Variants in CTIF observed in about 807,000 individuals in gnomAD.
CTIF encodes the protein CBP80/20-dependent translation initiation factor.
A neutral mutation model predicts 66.0 loss-of-function variants in CTIF; 21 were observed. The ratio of observed to expected loss-of-function variants is 0.32; its 90% CI spans 0.23 to 0.46. The LOEUF is 0.46. Ranked by LOEUF, CTIF falls within the 20% of genes least tolerant of loss-of-function variation. The probability of loss-of-function intolerance (pLI) is 1.00; values close to 1 mark genes in which losing one functional copy is unlikely to be tolerated. For missense variants in CTIF, 739 were observed against 812.7 expected (o/e 0.91, Z 1.10); for synonymous variants, 345 against 326.4 (o/e 1.06, Z -0.62).
chr18:48,754,479 G>A (rs979928013), intron 7 of CTIF, among the ~76,000 whole-genome samples: 1 of 152,228 alleles, frequency 6.6e-6, no homozygotes, highest in Non-Finnish European at 1.5e-5. Flanking sequence ...CCTTGTGCAG[G>A]AAGAAGGAAA....
chr18:48,710,778 C>G (rs770487717), intron 6 of CTIF, among the ~76,000 whole-genome samples: 2 of 152,140 alleles, frequency 1.3e-5, no homozygotes, highest in African/African-American at 4.8e-5. Context: ...GAAAAAGGAG[C>G]CTGGGCAACA....
intron 6 of CTIF, among the ~76,000 whole-genome samples, chr18:48,677,510 G>A (rs1331995847): frequency 2.0e-5 from 3 of 152,324 alleles, no homozygotes; most frequent in South Asian, 4.1e-4. Context: ...AGTGCTTTCC[G>A]TGTTCCAGGA....
intron 6 of CTIF, among the ~76,000 whole-genome samples, chr18:48,697,202 T>C (rs749712087): frequency 6.6e-6 from 1 of 152,170 alleles, no homozygotes; most frequent in Non-Finnish European, 1.5e-5. Flanking sequence ...CAACAAACAA[T>C]TATGGAGGCT....
intron 1 of CTIF, among the ~76,000 whole-genome samples, chr18:48,618,552 AG>A (rs1447651377): frequency 1.3e-5 from 2 of 152,140 alleles, no homozygotes; most frequent in Non-Finnish European, 2.9e-5. Flanking sequence ...GAGGAAGGGG[AG>A]GGTCCCTGGC....
chr18:48,695,823 CAGG>C (rs1020639369), intron 6 of CTIF, among the ~76,000 whole-genome samples: 1 of 152,206 alleles, frequency 6.6e-6, no homozygotes. Flanking sequence ...ATTGCTCAGT[CAGG>C]AGAAGAGCGC....
chr18:48,753,615 A>T (rs1196603849), intron 7 of CTIF, among the ~76,000 whole-genome samples: 2 of 151,922 alleles, frequency 1.3e-5, no homozygotes, highest in Non-Finnish European at 2.9e-5. Flanking sequence ...AAAAAAAAGC[A>T]TTATTTTCCT....
chr18:48,806,161 A>G (rs1011591204), intron 9 of CTIF, among the ~76,000 whole-genome samples: 4 of 152,228 alleles, frequency 2.6e-5, no homozygotes, highest in Admixed American at 1.3e-4. Flanking sequence ...TGAAAGAAGG[A>G]AAGTTGGGGC....
At chr18:48,558,832 TTC>T (rs2089082709) in intron 1 of CTIF, among the ~76,000 whole-genome samples, 1 of 152,220 alleles carries the variant, frequency 6.6e-6, no homozygotes, top group Non-Finnish European at 1.5e-5. Flanking sequence ...ATAAAAAGTG[TTC>T]TCTTTGACAT....
intron 6 of CTIF, among the ~76,000 whole-genome samples, chr18:48,703,347 C>A (rs2092108989): frequency 6.6e-6 from 1 of 152,156 alleles, no homozygotes; most frequent in Non-Finnish European, 1.5e-5. Flanking sequence ...GGTGAGGAGC[C>A]CGGTGTGGCC....
chr18:48,703,682 A>G (rs80211153), intron 6 of CTIF, among the ~76,000 whole-genome samples: 1,907 of 152,290 alleles, frequency 0.013, 23 homozygotes, highest in Non-Finnish European at 0.019. Flanking sequence ...GGATTCTATG[A>G]AAGTGCAGGC....
At chr18:48,816,863 G>A (rs2068374620) in intron 9 of CTIF, among the ~76,000 whole-genome samples, 1 of 152,212 alleles carries the variant, frequency 6.6e-6, no homozygotes, top group Non-Finnish European at 1.5e-5. Flanking sequence ...TTTAGCCACA[G>A]GGAGTTAAGT....
At chr18:48,615,177 T>A (rs1313752390) in intron 1 of CTIF, among the ~76,000 whole-genome samples, 2 of 152,246 alleles carry the variant, frequency 1.3e-5, no homozygotes, top group African/African-American at 4.8e-5. Flanking sequence ...ATTACAGGCA[T>A]GAGCCACTGC....
chr18:48,759,883 G>A (rs925429885), intron 8 of CTIF, among the ~76,000 whole-genome samples: 10 of 152,160 alleles, frequency 6.6e-5, no homozygotes, highest in African/African-American at 2.4e-4. Context: ...CTGAACTCCT[G>A]GACCAAGAAG....
intron 1 of CTIF, among the ~76,000 whole-genome samples, chr18:48,595,504 G>A (rs1288122691): frequency 6.6e-6 from 1 of 152,080 alleles, no homozygotes; most frequent in Non-Finnish European, 1.5e-5. Context: ...ACAGCTCACT[G>A]CAGCTTCAAC....
chr18:48,775,124 CT>C (rs1351056610), intron 9 of CTIF, among the ~76,000 whole-genome samples: 1 of 152,216 alleles, frequency 6.6e-6, no homozygotes, highest in Non-Finnish European at 1.5e-5. Context: ...CCACCTCCCC[CT>C]GGCTCTAGTT....
Position 48,758,463 on chromosome 18 carries a change from G to A in CTIF, c.1071+58G>A, listed in dbSNP as rs1908639001. 3.9e-6 allele frequency: 6 copies of A among 1,541,796 alleles called. No homozygotes were observed. In the South Asian group the frequency reaches 5.0e-5, roughly 13 times the overall value. ...CACCAGGGAGGACAGCAAGAGGTAGGCACTTTGGTAGGTGGGCACAGTGCA... is the reference window on the plus strand; with the variant it reads ...CACCAGGGAGGACAGCAAGAGGTAGACACTTTGGTAGGTGGGCACAGTGCA... On this transcript the variant is annotated intron_variant, in intron 8 of 11. Transcript: ENST00000256413.
Position 48,620,146 on chromosome 18 carries a change from T to C in CTIF, c.180+401T>C, listed in dbSNP as rs1367824538. On this transcript the variant is annotated intron_variant, in intron 2 of 11. Coordinates refer to ENST00000256413, the MANE Select transcript of CTIF (RefSeq NM_014772.3). ...AAAGAACTATAACTTGTGAATATTT[T>C]CTGTGATTTCAAATACAAGTAGTTG... 2.6e-5 allele frequency among the ~76,000 whole-genome samples: 4 copies of C among 152,232 alleles called. No homozygotes were observed. In the East Asian group the frequency reaches 7.7e-4, roughly 29 times the overall value.
intron 9 of CTIF, among the ~76,000 whole-genome samples, chr18:48,766,077 A>G (rs1265458136): frequency 1.3e-5 from 2 of 148,442 alleles, no homozygotes; most frequent in Non-Finnish European, 3.0e-5. Flanking sequence ...AACATTAGGT[A>G]TATCTCCTAA....
rs146587136 is a variant in CTIF at position 48,646,043 on chromosome 18, G to T, written c.252+9358G>T. Among the ~76,000 whole-genome samples the T allele has an allele frequency of 3.3e-5, 5 of 152,266 alleles. No homozygotes were observed. In the East Asian group the frequency reaches 9.7e-4, roughly 29 times the overall value. On this transcript the variant is annotated intron_variant, in intron 3 of 11. Coordinates refer to ENST00000256413, the MANE Select transcript of CTIF (RefSeq NM_014772.3). ...CACAAACAAACTGAAATAATCAATG[G>T]ATGTTAACACTGAGATGCTAAATTG...
Sources: gnomAD v4.1 joint callset for allele counts (sites outside exome capture counted in the v4.1 genomes callset) on GRCh38, gnomAD v4.1.1 for gene constraint, MANE v1.5 for transcripts, NCBI Gene and HGNC (gene_info 2026-07-23, HGNC 2026-07-21) for gene names.